CFAP44: variants seen among roughly 807,000 people sequenced by gnomAD.
CFAP44 encodes the protein cilia- and flagella-associated protein 44.
In CFAP44, 134 loss-of-function variants were observed where a neutral mutation model predicts 216.2. The observed-to-expected ratio is 0.62, with a 90% confidence interval of 0.54 to 0.72. The LOEUF is 0.72. Ranked by LOEUF, CFAP44 falls within the 30% of genes least tolerant of loss-of-function variation. The pLI is 0.00. For missense variants in CFAP44, 2,035 were observed against 2,182.1 expected, an observed-to-expected ratio of 0.93 and a Z score of 1.34; for synonymous variants, 700 against 727.6, an observed-to-expected ratio of 0.96 and a Z score of 0.61.
intron 17 of CFAP44, among the ~76,000 whole-genome samples, chr3:113,378,281 T>C (rs1435529509): frequency 6.6e-6 from 1 of 152,218 alleles, no homozygotes; most frequent in Non-Finnish European, 1.5e-5. Context: ...CTTTATCCCT[T>C]TATCCTTTGA....
chr3:113,432,418 G>C (rs1274976006), intron 2 of CFAP44, among the ~76,000 whole-genome samples: 1 of 152,176 alleles, frequency 6.6e-6, no homozygotes, highest in African/African-American at 2.4e-5. Context: ...AAAAAGTCAA[G>C]TAATGCTAAA....
intron 29 of CFAP44, 53 bp from the exon 30 acceptor site, chr3:113,306,384 G>C (rs1364274316): frequency 4.0e-6 from 6 of 1,514,644 alleles, no homozygotes; most frequent in Non-Finnish European, 1.8e-6. Flanking sequence ...GAATGTGGTA[G>C]TACTAAAATT....
Position 113,344,653 on chromosome 3 carries a change from T to C in CFAP44, c.3125A>G (p.Lys1042Arg), listed in dbSNP as rs1162267468. The C allele has an allele frequency of 7.2e-6, 11 of 1,536,840 alleles. No individual in the cohort carries two copies. The African/African-American group carries it at 8.2e-5, about 11-fold the overall frequency. Residue 1042 changes from lysine (K) to arginine (R), a missense_variant, in exon 23 of 35, where the codon AAG (lysine) becomes AGG (arginine). By Grantham distance (26) the Lys-to-Arg change is conservative (BLOSUM62 2). Around this residue, in one of 3 missense-constraint regions of CFAP44, gnomAD observed 1,883 missense variants for 2,023.7 expected, o/e 0.93. Coordinates refer to ENST00000393845, the MANE Select transcript of CFAP44 (RefSeq NM_001164496.2). The part of the protein sequence containing the change: ...IVVHAILSDH[K>R]ISSYRLVQPS... ...CTGCACCAGCCTGTAAGAGGATATC[T>C]TGTGGTCACTCAGTATGGCATGAAC...
chr3:113,355,609 T>C (rs1331606423), intron 22 of CFAP44, among the ~76,000 whole-genome samples: 1 of 151,996 alleles, frequency 6.6e-6, no homozygotes, highest in Non-Finnish European at 1.5e-5. Flanking sequence ...CAGCAAACTA[T>C]CACAAGGACA....
chr3:113,365,764 A>G (rs760625105), intron 19 of CFAP44, among the ~76,000 whole-genome samples: 1 of 152,188 alleles, frequency 6.6e-6, no homozygotes, highest in Non-Finnish European at 1.5e-5. Flanking sequence ...TGATTAAGAA[A>G]GTTTTTTTAA....
chr3:113,439,860 GTTAT>G (rs1017732299), intron 1 of CFAP44, among the ~76,000 whole-genome samples: 4 of 152,140 alleles, frequency 2.6e-5, no homozygotes, highest in African/African-American at 9.7e-5. Context: ...GCCAGAGGTG[GTTAT>G]TTAAGATTCA....
chr3:113,432,593 A>T (rs1307960595), intron 2 of CFAP44, among the ~76,000 whole-genome samples: 1 of 152,188 alleles, frequency 6.6e-6, no homozygotes. Context: ...GACAGTGTTT[A>T]TTATGGGAAG....
intron 9 of CFAP44, among the ~76,000 whole-genome samples, chr3:113,402,646 G>A (rs57004843): frequency 0.012 from 1,765 of 152,240 alleles, 27 homozygotes; most frequent in African/African-American, 0.04. Context: ...GATCAAACTA[G>A]GATCAGACTA....
At chr3:113,295,134 A>G (rs998437560) in intron 33 of CFAP44, among the ~76,000 whole-genome samples, 4 of 152,216 alleles carry the variant, frequency 2.6e-5, no homozygotes, top group Admixed American at 2.6e-4. Context: ...AAGGGTGATA[A>G]TTTAAGCAGC....
In CFAP44 at chr3:113,365,122, A is replaced by T. The variant is rs542269183; in HGVS notation, c.2715+917T>A. Among the ~76,000 whole-genome samples, 26 of 152,262 alleles carry T rather than the reference A, an allele frequency of 1.7e-4. No individual in the cohort carries two copies. The South Asian group carries it at 4.8e-3, about 28-fold the overall frequency. On this transcript the variant is annotated intron_variant, in intron 19 of 34. Transcript: ENST00000393845. ...TGAAATGTGGAATAAACATTTTTCT[A>T]TCCAATATGGGTTTCTATAGAGAGG... is the stretch of plus-strand genomic sequence containing the variant.
At chr3:113,405,517 T>G (rs908263347) in intron 8 of CFAP44, among the ~76,000 whole-genome samples, 1 of 152,188 alleles carries the variant, frequency 6.6e-6, no homozygotes, top group African/African-American at 2.4e-5. Flanking sequence ...CTTCTTTCAT[T>G]TGCAAGTCTA....
At chr3:113,428,505 G>A (rs1225872513) in intron 2 of CFAP44, among the ~76,000 whole-genome samples, 1 of 152,132 alleles carries the variant, frequency 6.6e-6, no homozygotes, top group Non-Finnish European at 1.5e-5. Flanking sequence ...TGTGAAGGCT[G>A]GATATTTCTC....
chr3:113,387,670 G>A (rs558019990), intron 15 of CFAP44, among the ~76,000 whole-genome samples: 4 of 152,066 alleles, frequency 2.6e-5, no homozygotes, highest in Admixed American at 2.0e-4. Flanking sequence ...TACGGAGAGG[G>A]AAGAGTCAAG....
chr3:113,363,679 T>G, intron 19 of CFAP44, 147 bp from the exon 20 acceptor site: 3 of 708,904 alleles, frequency 4.2e-6, no homozygotes, highest in Non-Finnish European at 6.3e-6. Flanking sequence ...AAAATCAGTT[T>G]CACAAAAATC....
At chr3:113,367,930 C>T (rs1933015498) in intron 18 of CFAP44, among the ~76,000 whole-genome samples, 1 of 152,156 alleles carries the variant, frequency 6.6e-6, no homozygotes, top group Non-Finnish European at 1.5e-5. Context: ...AGGACGAGAA[C>T]TTCGTGACGC....
At chr3:113,340,400 A>G (rs1249962157) in intron 24 of CFAP44, among the ~76,000 whole-genome samples, 1 of 152,222 alleles carries the variant, frequency 6.6e-6, no homozygotes, top group Non-Finnish European at 1.5e-5. Context: ...TGGAGTTTTT[A>G]AAACTCAGTG....
At position 113,308,424 on chromosome 3, in the gene CFAP44, A is replaced by T. The variant is rs565497202; in HGVS notation, c.4517-156T>A. ...TAAGGACACAAAGAACACAAACCCA[A>T]ATGCCTGCAGAGGGTTGTGCAGTTA... On this transcript the variant is annotated intron_variant, in intron 28 of 34. Coordinates refer to ENST00000393845, the MANE Select transcript of CFAP44 (RefSeq NM_001164496.2). 6.6e-5 allele frequency among the ~76,000 whole-genome samples: 10 copies of T among 152,360 alleles called. 1 individual carries two copies. In the East Asian group the frequency reaches 1.9e-3, roughly 29 times the overall value.
At chr3:113,337,140 AATTAT>A (rs1950288253) in intron 24 of CFAP44, among the ~76,000 whole-genome samples, 1 of 150,976 alleles carries the variant, frequency 6.6e-6, no homozygotes, top group Non-Finnish European at 1.5e-5. Context: ...AACAAAAATC[AATTAT>A]ATTTCTATGC....
At chr3:113,350,267 A>G (rs1950430510) in intron 22 of CFAP44, among the ~76,000 whole-genome samples, 1 of 152,030 alleles carries the variant, frequency 6.6e-6, no homozygotes, top group South Asian at 2.1e-4. Flanking sequence ...AAAGAGAGGA[A>G]GAGACAGACA....
Sources: allele counts gnomAD v4.1 joint callset (sites outside exome capture counted in the v4.1 genomes callset), GRCh38; gene constraint gnomAD v4.1.1; regional missense constraint gnomAD v4.1.1; transcripts MANE v1.5; gene names NCBI Gene and HGNC (gene_info 2026-07-23, HGNC 2026-07-21).